Variants in PPP2R3B observed in about 807,000 individuals in gnomAD.
PPP2R3B encodes serine/threonine-protein phosphatase 2A regulatory subunit B'' subunit beta.
Under a neutral mutation model 72.9 loss-of-function variants are expected in PPP2R3B, and 68 were observed. That is an observed-to-expected ratio of 0.93 (90% CI 0.77 to 1.14). PPP2R3B has a LOEUF of 1.14. Among genes scored for constraint, PPP2R3B ranks in the 50% most tolerant of loss-of-function variants. PPP2R3B has a pLI of 0.00. For missense variants in PPP2R3B, 1,018 were observed against 842.0 expected, an observed-to-expected ratio of 1.21 and a Z score of -2.59; for synonymous variants, 466 against 375.8, an observed-to-expected ratio of 1.24 and a Z score of -2.78.
At position 340,935 on chromosome X, in the gene PPP2R3B, T is replaced by C. The variant is rs760197030; in HGVS notation, c.1181A>G (p.Glu394Gly). The C allele has an allele frequency of 2.5e-6, 4 of 1,610,688 alleles. No homozygotes were observed. ...EEDKKTPTSIEYWFRCMDLDG... is the reference protein window; with the variant it reads ...EEDKKTPTSIGYWFRCMDLDG... ...CAGGTCCATGCAGCGGAACCAGTACTCGATGCTGCGGCACGGCGAGCTCTG... is the reference window on the plus strand; with the variant it reads ...CAGGTCCATGCAGCGGAACCAGTACCCGATGCTGCGGCACGGCGAGCTCTG... Residue 394 changes from glutamate to glycine, a missense_variant, in exon 10 of 13, where the codon GAG (glutamate) becomes GGG (glycine). Physicochemically the swap from Glu to Gly is moderately conservative, Grantham distance 98. Coordinates refer to ENST00000390665, the MANE Select transcript of PPP2R3B (RefSeq NM_013239.5).
chrX:338,690 G>C lies in PPP2R3B; in HGVS notation c.1491C>G (p.Pro497=), dbSNP rs779398125. ...SLLRDGDSGG[P]ELSDWEKYAA... is the part of the protein sequence containing the mutation. ...CGTACTTCTCCCAGTCCGAGAGCTC[G>C]GGGCCGCCGCTGTCACCGTCCTGGA... The change falls in exon 12 of 13, where the codon CCC becomes CCG. Residue 497 remains proline (P), a synonymous_variant. Coordinates refer to ENST00000390665, the MANE Select transcript of PPP2R3B (RefSeq NM_013239.5). 2 of 1,611,614 alleles carry C rather than the reference G, an allele frequency of 1.2e-6. No homozygotes were observed. The highest frequency in any genetic ancestry group is 1.7e-6 in the Non-Finnish European group (2 of 1,179,656).
At chrX:352,869 G>A (rs1190246818) in intron 2 of PPP2R3B, among the ~76,000 whole-genome samples, 1 of 150,722 alleles carries the variant, frequency 6.6e-6, no homozygotes, top group Non-Finnish European at 1.5e-5. Context: ...CAAGCTATGT[G>A]AGCGAGTGAC....
intron 2 of PPP2R3B, among the ~76,000 whole-genome samples, chrX:351,467 G>A (rs1238373010): frequency 2.0e-5 from 3 of 152,218 alleles, no homozygotes; most frequent in Non-Finnish European, 2.9e-5. Context: ...CTATCCAGCC[G>A]TGCAGGATAT....
At chrX:386,002 A>C (rs2072239844) in intron 1 of PPP2R3B, among the ~76,000 whole-genome samples, 1 of 152,122 alleles carries the variant, frequency 6.6e-6, no homozygotes, top group Non-Finnish European at 1.5e-5. Flanking sequence ...GAATCGCTTG[A>C]ACCTGGGAGG....
chrX:385,487 T>C (rs2072227242), intron 1 of PPP2R3B, among the ~76,000 whole-genome samples: 1 of 151,982 alleles, frequency 6.6e-6, no homozygotes, highest in South Asian at 2.1e-4. Flanking sequence ...CTGCGGTGTA[T>C]AATCACCTTC....
chrX:373,568 G>T, intron 1 of PPP2R3B: 1 of 282,834 alleles, frequency 3.5e-6, no homozygotes, highest in Non-Finnish European at 7.5e-6. Flanking sequence ...TGAACCGAGA[G>T]GGCAGCACGA....
chrX:351,994 C>T (rs1466962435), intron 2 of PPP2R3B, among the ~76,000 whole-genome samples: 2 of 152,210 alleles, frequency 1.3e-5, no homozygotes. Flanking sequence ...CAACCAGAGA[C>T]AGCTGCACCC....
At chrX:336,703 G>A (rs745458788) in intron 12 of PPP2R3B, 15 of 152,322 alleles carry the variant, frequency 9.8e-5, no homozygotes, top group Admixed American at 9.1e-4. Flanking sequence ...AAAACACAAG[G>A]TCAATAAATT....
At chrX:341,953 G>A (rs1231039247) in intron 7 of PPP2R3B, 22 bp from the exon 8 acceptor site, 30 of 1,612,534 alleles carry the variant, frequency 1.9e-5, no homozygotes, top group Non-Finnish European at 2.5e-5. Context: ...TGCGGTTGAT[G>A]GGCAGCCCGC....
intron 6 of PPP2R3B, 49 bp from the exon 7 acceptor site, chrX:345,721 CCCAAGT>C: frequency 6.3e-7 from 1 of 1,595,596 alleles, no homozygotes; most frequent in Non-Finnish European, 8.5e-7. Flanking sequence ...GCGGGGATGC[CCCAAGT>C]CCGCCTGGCT....
At chrX:350,620 C>T (rs1355245782) in intron 2 of PPP2R3B, among the ~76,000 whole-genome samples, 10 of 152,182 alleles carry the variant, frequency 6.6e-5, no homozygotes, top group South Asian at 4.1e-4. Context: ...CTGGCGCCGG[C>T]GAGGGCAGGG....
In PPP2R3B at chrX:361,432, G is replaced by A. The variant is rs1192221823; in HGVS notation, c.483C>T (p.Thr161=). ...TGGCCACCAGGCCCATGTCATCCAT[G>A]GTGGCCCTCTCGTGGGGGAACCGGG... is the stretch of plus-strand genomic sequence containing the variant. ...TFARFPHERA[T]MDDMGLVAKA... is the part of the protein sequence containing the mutation. Residue 161 remains threonine (T), a synonymous_variant, in exon 2 of 13, where the codon ACC becomes ACT. Transcript: ENST00000390665. 17 of 1,613,996 alleles carry A rather than the reference G, an allele frequency of 1.1e-5. No homozygotes were observed. Among genetic ancestry groups the A allele is most frequent in the Middle Eastern group, 3.3e-4 (2 of 6,054 alleles).
intron 1 of PPP2R3B, among the ~76,000 whole-genome samples, chrX:364,072 T>C (rs1324037810): frequency 6.6e-6 from 1 of 152,250 alleles, no homozygotes; most frequent in Non-Finnish European, 1.5e-5. Context: ...GAACAGGCTC[T>C]GCCTTCAGAA....
intron 2 of PPP2R3B, among the ~76,000 whole-genome samples, chrX:350,185 G>A (rs144941871): frequency 0.011 from 1,632 of 152,324 alleles, 36 homozygotes; most frequent in African/African-American, 0.035. Flanking sequence ...AAGGAAGTGA[G>A]TTGGGACAGA....
chrX:385,320 CTTTTTTTTTTTTTTTT>C (rs1178231888), intron 1 of PPP2R3B, among the ~76,000 whole-genome samples: 2,670 of 75,878 alleles, frequency 0.035, 133 homozygotes, highest in African/African-American at 0.13. Flanking sequence ...TTTTAGTTTT[CTTTTTTTTTTTTTTTT>C]TTTTTTTTTT....
rs777314009 is a variant in PPP2R3B, at chrX:338,907, G to A, written c.1352-11C>T. 9 of 1,609,982 alleles carry A rather than the reference G, an allele frequency of 5.6e-6. No individual in the cohort carries two copies. The highest frequency in any genetic ancestry group is 4.0e-5 in the African/African-American group (3 of 74,898). ...GCAGCGTGATCTTCCCTGCGGGGAG[G>A]GGAGTGCGTCCAAGGCGCGTGAGCC... is the stretch of plus-strand genomic sequence containing the variant. On this transcript the variant is annotated splice_polypyrimidine_tract_variant and intron_variant, in intron 10 of 12. Transcript: ENST00000390665.
intron 12 of PPP2R3B, chrX:335,837 T>C (rs1459868823): frequency 6.6e-6 from 1 of 152,122 alleles, no homozygotes; most frequent in Non-Finnish European, 1.5e-5. Flanking sequence ...AACCCACTGA[T>C]GGGAACGGGC....
At chrX:351,088 T>A (rs2071322486) in intron 2 of PPP2R3B, among the ~76,000 whole-genome samples, 1 of 152,064 alleles carries the variant, frequency 6.6e-6, no homozygotes, top group African/African-American at 2.4e-5. Context: ...AAGGACGCGC[T>A]CCGGCTGGCG....
intron 1 of PPP2R3B, among the ~76,000 whole-genome samples, chrX:368,602 G>T (rs1391748505): frequency 9.6e-6 from 1 of 103,846 alleles, no homozygotes; most frequent in Non-Finnish European, 2.0e-5. Context: ...CCGACCGGGG[G>T]AAGGCCGGGA....
Sources: gnomAD v4.1 joint callset for allele counts (sites outside exome capture counted in the v4.1 genomes callset) on GRCh38, gnomAD v4.1.1 for gene constraint, MANE v1.5 for transcripts, NCBI Gene and HGNC (gene_info 2026-07-23, HGNC 2026-07-21) for gene names.